TBX4: variants seen among roughly 807,000 people sequenced by gnomAD.
The protein encoded by TBX4 is T-box transcription factor TBX4.
TBX4 carries 13 observed loss-of-function variants against 54.6 expected under a neutral mutation model. That is an observed-to-expected ratio of 0.24 (90% confidence interval 0.15 to 0.38). TBX4 has a LOEUF of 0.38. TBX4 is among the 10% of genes least tolerant of loss of function. The pLI is 1.00. For missense variants in TBX4, 631 were observed against 728.5 expected (o/e 0.87, Z 1.54); for synonymous variants, 314 against 306.7 (o/e 1.02, Z -0.25).
At chr17:61,453,081 T>C in intron 1 of TBX4, 1 of 812,674 alleles carries the variant, frequency 1.2e-6, no homozygotes, top group Non-Finnish European at 1.5e-6. Flanking sequence ...TGATCGATGA[T>C]TAAAGATTAT....
At chr17:61,456,354 G>T in intron 1 of TBX4, 134 bp from the exon 2 acceptor site, 1 of 1,227,774 alleles carries the variant, frequency 8.1e-7, no homozygotes, top group Non-Finnish European at 1.2e-6. Context: ...TCCAGCTCAG[G>T]AGGGGGCGGG....
In TBX4 at chr17:61,457,044, G is replaced by C. The variant is rs887914298; in HGVS notation, c.186+368G>C. The stretch of plus-strand genomic sequence containing the variant: ...CGAGGGGGCAGGAGGAGGCCACCCC[G>C]CCGGTGCGCACGGGAGCCGCTGCGG... On this transcript the variant is annotated intron_variant, in intron 2 of 8. Coordinates refer to ENST00000644296, the MANE Select transcript of TBX4 (RefSeq NM_001321120.2). This position sits in a 1 kb window ranked among gnomAD's most constrained non-coding sequence, Gnocchi z 8.2. Among the ~76,000 whole-genome samples, 1 of 152,230 alleles carries C rather than the reference G, an allele frequency of 6.6e-6. No individual in the cohort carries two copies. The highest frequency in any genetic ancestry group is 1.5e-5 in the Non-Finnish European group (1 of 68,042).
rs904718958 is a variant in TBX4, at chr17:61,465,227, C to A, written c.282-592C>A. ...CAGGGAGAAGTACCCCCGATAGACACACTGGAAGAACCCAAACCTAGCAGG... is the reference window on the plus strand; with the variant it reads ...CAGGGAGAAGTACCCCCGATAGACAAACTGGAAGAACCCAAACCTAGCAGG... On this transcript the variant is annotated intron_variant, in intron 3 of 8. Coordinates refer to ENST00000644296, the MANE Select transcript of TBX4 (RefSeq NM_001321120.2). The surrounding 1 kb of genome is among the most constrained non-coding windows in gnomAD (Gnocchi z 4.9). 2.0e-5 allele frequency among the ~76,000 whole-genome samples: 3 copies of A among 152,170 alleles called. No homozygotes were observed.
rs2060460525 is a variant in TBX4, at chr17:61,457,440, G to A, written c.187-97G>A. ...GAGCCATGGGCTCCGGGCGGGCAGG[G>A]TTCCGCACAGCTCTTCGGGTCTGGT... On this transcript the variant is annotated intron_variant, in intron 2 of 8. Transcript: ENST00000644296. This position sits in a 1 kb window ranked among gnomAD's most constrained non-coding sequence, Gnocchi z 8.2. 8.5e-7 allele frequency: 1 copy of A among 1,176,622 alleles called. No individual in the cohort carries two copies. The highest frequency in any genetic ancestry group is 1.5e-5 in the African/African-American group (1 of 66,432). The allele number at this position is 1,176,622 out of a possible 1,614,324, so 72.9% of individuals were successfully genotyped here.
chr17:61,470,944 G>A (rs1327284357), intron 5 of TBX4, among the ~76,000 whole-genome samples: 2 of 152,232 alleles, frequency 1.3e-5, no homozygotes, highest in Non-Finnish European at 2.9e-5. Context: ...CTGGGGCATA[G>A]GCGGGACCTG....
chr17:61,453,047 G>A, intron 1 of TBX4: 2 of 928,542 alleles, frequency 2.2e-6, no homozygotes, highest in Non-Finnish European at 2.6e-6. Flanking sequence ...CAAAATTAAA[G>A]CAAGGAACAT....
rs1239462140 is a variant in TBX4 at position 61,483,509 on chromosome 17, A to AC, written c.1635dup (p.Gly546ArgfsTer9). ...ATGGGGACTGTGGAGAACTGGACTG[A>AC]CGGATGACTCTCACGTCTCCTCCAT... On this transcript the variant is annotated frameshift_variant, in exon 9 of 9. Transcript: ENST00000644296. LOFTEE classifies it high-confidence loss of function. The surrounding 1 kb of genome is among the most constrained non-coding windows in gnomAD (Gnocchi z 6.6). The AC allele has an allele frequency of 1.1e-5, 18 of 1,614,050 alleles. No homozygotes were observed. Among genetic ancestry groups the AC allele is most frequent in the Non-Finnish European group, 1.4e-5 (17 of 1,180,016 alleles).
Position 61,462,157 on chromosome 17 carries a change from C to T in TBX4, c.282-3662C>T, listed in dbSNP as rs980752398. Among the ~76,000 whole-genome samples the T allele has an allele frequency of 2.6e-5, 4 of 152,220 alleles. No individual in the cohort carries two copies. Among genetic ancestry groups the T allele is most frequent in the Non-Finnish European group, 5.9e-5 (4 of 68,044 alleles). On this transcript the variant is annotated intron_variant, in intron 3 of 8. Transcript: ENST00000644296. This position sits in a 1 kb window ranked among gnomAD's most constrained non-coding sequence, Gnocchi z 4.5. The stretch of plus-strand genomic sequence containing the variant: ...CGCGCCTCCAACACCGAGAAACGTC[C>T]GAGGAAGCTTATCTTAGCAGTTCAT...
rs566694464 is a variant in TBX4, at chr17:61,482,833, A to G, written c.1022-64A>G. ...CAAGGACAGGCTGTCCCAGCATCCA[A>G]CAGGGTGCTCTGGGGCCTGGGCTGG... On this transcript the variant is annotated intron_variant, in intron 8 of 8. Transcript: ENST00000644296. 9.4e-6 allele frequency: 15 copies of G among 1,598,910 alleles called. No homozygotes were observed. The Admixed American group carries it at 2.3e-4, about 25-fold the overall frequency.
chr17:61,456,664 C>T lies in TBX4; in HGVS notation c.174C>T (p.Ala58=), dbSNP rs1187247049. 10 of 1,356,342 alleles carry T rather than the reference C, an allele frequency of 7.4e-6. No individual in the cohort carries two copies. Among genetic ancestry groups the T allele is most frequent in the Non-Finnish European group, 9.5e-6 (10 of 1,052,234 alleles). 84.0% of individuals were successfully genotyped at this position (1,356,342 alleles called of 1,614,324 possible). Residue 58 remains alanine, a synonymous_variant, in exon 2 of 9, where the codon GCC becomes GCT. Coordinates refer to ENST00000644296, the MANE Select transcript of TBX4 (RefSeq NM_001321120.2). The part of the protein sequence containing the change: ...PGPGADVVAA[A]AAEQTIENIK... Reference sequence around the variant, plus strand: ...CCGGGGCCGACGTCGTCGCCGCCGCCGCCGCGGAGCAGGTAGGGCTGCGCC... The same window carrying T: ...CCGGGGCCGACGTCGTCGCCGCCGCTGCCGCGGAGCAGGTAGGGCTGCGCC...
Position 61,476,923 on chromosome 17 carries a change from T to A in TBX4, c.550-1704T>A, listed in dbSNP as rs1409125788. ...GCTATCCCTGTGCCCCAGGGCACGA[T>A]AAGAGCAGAGTCTTCCCAGACTAAG... On this transcript the variant is annotated intron_variant, in intron 5 of 8. Transcript: ENST00000644296. This position sits in a 1 kb window ranked among gnomAD's most constrained non-coding sequence, Gnocchi z 6.5. 6.6e-6 allele frequency among the ~76,000 whole-genome samples: 1 copy of A among 152,256 alleles called. No individual in the cohort carries two copies. Among genetic ancestry groups the A allele is most frequent in the East Asian group, 1.9e-4 (1 of 5,194 alleles).
At chr17:61,454,458 G>C (rs986675402) in intron 1 of TBX4, among the ~76,000 whole-genome samples, 1 of 152,252 alleles carries the variant, frequency 6.6e-6, no homozygotes, top group Non-Finnish European at 1.5e-5. Flanking sequence ...GGGACCCCGC[G>C]GTGCTGGCGG....
In TBX4 at chr17:61,461,140, A is replaced by T. The variant is rs563857987; in HGVS notation, c.281+3509A>T. 1.3e-5 allele frequency among the ~76,000 whole-genome samples: 2 copies of T among 152,302 alleles called. No homozygotes were observed. The highest frequency in any genetic ancestry group is 2.9e-5 in the Non-Finnish European group (2 of 68,024). ...CTGAAAGCAAAAGTCTATCAGAAGG[A>T]AGTGCCTTTAAAAAAAATCTAAGAG... On this transcript the variant is annotated intron_variant, in intron 3 of 8. Coordinates refer to ENST00000644296, the MANE Select transcript of TBX4 (RefSeq NM_001321120.2). The surrounding 1 kb of genome is among the most constrained non-coding windows in gnomAD (Gnocchi z 5.1).
intron 1 of TBX4, chr17:61,452,942 C>T: frequency 2.0e-6 from 2 of 985,344 alleles, no homozygotes; most frequent in Non-Finnish European, 2.4e-6. Flanking sequence ...ATATGCAAGG[C>T]CAAGGAAGAG....
In TBX4 at chr17:61,478,385, A is replaced by G. The variant is rs1173446299; in HGVS notation, c.550-242A>G. The G allele has an allele frequency of 3.5e-6, 2 of 577,032 alleles. No individual in the cohort carries two copies. Among genetic ancestry groups the G allele is most frequent in the Non-Finnish European group, 6.2e-6 (2 of 325,052 alleles). The allele number at this position is 577,032 out of a possible 1,614,324, so 35.7% of individuals were successfully genotyped here. On this transcript the variant is annotated intron_variant, in intron 5 of 8. Coordinates refer to ENST00000644296, the MANE Select transcript of TBX4 (RefSeq NM_001321120.2). This position sits in a 1 kb window ranked among gnomAD's most constrained non-coding sequence, Gnocchi z 7.4. Reference sequence around the variant, plus strand: ...CACAGTGAATCAACTGGTCACATCAAGGAGGGCCTGGAGCTGGGCATTAGT... The same window carrying G: ...CACAGTGAATCAACTGGTCACATCAGGGAGGGCCTGGAGCTGGGCATTAGT...
Position 61,480,279 on chromosome 17 carries a change from G to C in TBX4, c.981G>C (p.Gln327His). The change falls in exon 8 of 9, where the codon CAG becomes CAC. Residue 327 changes from glutamine (Q) to histidine (H), a missense_variant. Physicochemically the swap from Gln to His is conservative, Grantham distance 24 (BLOSUM62 0). Coordinates refer to ENST00000644296, the MANE Select transcript of TBX4 (RefSeq NM_001321120.2). This position sits in a 1 kb window ranked among gnomAD's most constrained non-coding sequence, Gnocchi z 6.2. Reference sequence around the variant, plus strand: ...TGCCCCTCAGCACCTTTCCCACCCAGAGGGACTCAAGCCTCTTCTATCACT... The same window carrying C: ...TGCCCCTCAGCACCTTTCCCACCCACAGGGACTCAAGCCTCTTCTATCACT... ...QDLPLSTFPT[Q>H]RDSSLFYHCL... 2 of 1,613,976 alleles carry C rather than the reference G, an allele frequency of 1.2e-6. No homozygotes were observed. Among genetic ancestry groups the C allele is most frequent in the South Asian group, 2.2e-5 (2 of 91,076 alleles).
chr17:61,465,726 A>G lies in TBX4; in HGVS notation c.282-93A>G. The stretch of plus-strand genomic sequence containing the variant: ...CAGGATCGCTGGCCAAAAGGGCAGC[A>G]TCTGTTAGCGGCCTTCTGCCCCCTT... On this transcript the variant is annotated intron_variant, in intron 3 of 8. Coordinates refer to ENST00000644296, the MANE Select transcript of TBX4 (RefSeq NM_001321120.2). The surrounding 1 kb of genome is among the most constrained non-coding windows in gnomAD (Gnocchi z 4.9). 6.5e-7 allele frequency: 1 copy of G among 1,549,484 alleles called. No homozygotes were observed.
rs2060490477 is a variant in TBX4, at chr17:61,460,910, T to C, written c.281+3279T>C. Among the ~76,000 whole-genome samples the C allele has an allele frequency of 6.6e-6, 1 of 152,180 alleles. No individual in the cohort carries two copies. Among genetic ancestry groups the C allele is most frequent in the South Asian group, 2.1e-4 (1 of 4,820 alleles). On this transcript the variant is annotated intron_variant, in intron 3 of 8. Transcript: ENST00000644296. The surrounding 1 kb of genome is among the most constrained non-coding windows in gnomAD (Gnocchi z 4.4). ...TTGCGTTTGAAAAATGAACTACCGATGAGAACTCCTGTTGAACCTGTATTG... is the reference window on the plus strand; with the variant it reads ...TTGCGTTTGAAAAATGAACTACCGACGAGAACTCCTGTTGAACCTGTATTG...
rs2060480527 is a variant in TBX4 at position 61,459,629 on chromosome 17, T to C, written c.281+1998T>C. Among the ~76,000 whole-genome samples, 1 of 152,218 alleles carries C rather than the reference T, an allele frequency of 6.6e-6. No individual in the cohort carries two copies. On this transcript the variant is annotated intron_variant, in intron 3 of 8. Transcript: ENST00000644296. This position sits in a 1 kb window ranked among gnomAD's most constrained non-coding sequence, Gnocchi z 4.8. ...CTCCCTCTCCCAACACATACACTTA[T>C]ACACATACTTCCATAGGTGGCCAGC... is the stretch of plus-strand genomic sequence containing the variant.
Sources: allele counts gnomAD v4.1 joint callset (sites outside exome capture counted in the v4.1 genomes callset), GRCh38; gene constraint gnomAD v4.1.1; non-coding constraint Gnocchi (gnomAD v3.1); transcripts MANE v1.5; gene names NCBI Gene and HGNC (gene_info 2026-07-23, HGNC 2026-07-21).